Variants in FYN observed in about 807,000 individuals in gnomAD.
FYN encodes the protein FYN proto-oncogene, Src family tyrosine kinase.
FYN carries 10 observed loss-of-function variants against 70.2 expected under a neutral mutation model. The observed-to-expected ratio is 0.14, with a 90% confidence interval of 0.09 to 0.24. FYN has a LOEUF of 0.24. Among genes scored for constraint, FYN ranks in the 10% least tolerant of loss-of-function variants. FYN has a pLI of 1.00. For synonymous variants in FYN, 236 were observed against 248.6 expected (o/e 0.95, Z 0.48); for missense variants, 319 against 673.1 (o/e 0.47, Z 5.82).
At chr6:111,753,193 C>T (rs1020011092) in intron 3 of FYN, among the ~76,000 whole-genome samples, 3 of 152,194 alleles carry the variant, frequency 2.0e-5, no homozygotes, top group African/African-American at 4.8e-5. Flanking sequence ...TCTGATCCTC[C>T]ATACAGGATG....
At chr6:111,759,973 G>A (rs947133329) in intron 3 of FYN, 4 of 151,922 alleles carry the variant, frequency 2.6e-5, no homozygotes, top group African/African-American at 9.7e-5. Context: ...CTAGCAGACT[G>A]AGTACAGCCT....
intron 13 of FYN, among the ~76,000 whole-genome samples, chr6:111,665,104 C>T (rs1306915222): frequency 1.3e-4 from 20 of 152,162 alleles, no homozygotes; most frequent in Admixed American, 1.2e-3. Flanking sequence ...AGTATCCCTT[C>T]TCTGAAATGC....
chr6:111,742,894 T>C (rs545516315), intron 3 of FYN, among the ~76,000 whole-genome samples: 21 of 152,232 alleles, frequency 1.4e-4, no homozygotes, highest in Admixed American at 1.4e-3. Flanking sequence ...TTGTCCTACG[T>C]TTTGGTCACA....
At chr6:111,797,693 T>TATATATATATATAC (rs1771854470) in intron 2 of FYN, among the ~76,000 whole-genome samples, 2 of 77,930 alleles carry the variant, frequency 2.6e-5, no homozygotes, top group Admixed American at 1.1e-4. Context: ...TATATATATA[T>TATATATATATATAC]ATATATATAT....
intron 5 of FYN, chr6:111,708,960 C>T (rs142483872): frequency 6.6e-6 from 1 of 152,292 alleles, no homozygotes; most frequent in East Asian, 1.9e-4. Flanking sequence ...TGATGAAGAG[C>T]AGGAATGGAG....
Position 111,676,973 on chromosome 6 carries a change from T to G in FYN, c.1274-2343A>C, listed in dbSNP as rs145327518. Among the ~76,000 whole-genome samples, 994 of 152,326 alleles carry G rather than the reference T, an allele frequency of 6.5e-3. 10 individuals are homozygous for G. Among genetic ancestry groups the G allele is most frequent in the African/African-American group, 0.023 (936 of 41,566 alleles). On this transcript the variant is annotated intron_variant, in intron 12 of 13. Coordinates refer to ENST00000354650, the MANE Select transcript of FYN (RefSeq NM_002037.5). ...GCTTTATTATTTTCTCATTTTATAA[T>G]CTACAATAAGGATTATAATATATAA... is the stretch of plus-strand genomic sequence containing the variant.
intron 3 of FYN, among the ~76,000 whole-genome samples, chr6:111,729,356 C>T (rs1801340443): frequency 6.6e-6 from 1 of 151,850 alleles, no homozygotes; most frequent in Non-Finnish European, 1.5e-5. Flanking sequence ...CACCTGTAAA[C>T]CTAGCTACTC....
At chr6:111,663,573 C>A (rs1797864903) in intron 13 of FYN, among the ~76,000 whole-genome samples, 1 of 152,220 alleles carries the variant, frequency 6.6e-6, no homozygotes, top group Non-Finnish European at 1.5e-5. Flanking sequence ...CTGCCATTAT[C>A]ATTTCTTGAG....
chr6:111,832,087 A>C (rs1283756242), intron 2 of FYN, among the ~76,000 whole-genome samples: 3 of 152,190 alleles, frequency 2.0e-5, no homozygotes, highest in African/African-American at 7.2e-5. Context: ...TTGACATTAT[A>C]ATCCATACAT....
At chr6:111,742,472 A>G (rs2128480254) in intron 3 of FYN, among the ~76,000 whole-genome samples, 1 of 152,358 alleles carries the variant, frequency 6.6e-6, no homozygotes. Context: ...ATTCATTAAC[A>G]TGATATTCAG....
chr6:111,777,358 AT>A (rs1301356018), intron 3 of FYN, among the ~76,000 whole-genome samples: 1 of 151,758 alleles, frequency 6.6e-6, no homozygotes, highest in Non-Finnish European at 1.5e-5. Flanking sequence ...AGATATTTCC[AT>A]TTTTAAACCT....
chr6:111,822,401 G>A (rs1287744182), intron 2 of FYN, among the ~76,000 whole-genome samples: 3 of 151,932 alleles, frequency 2.0e-5, no homozygotes, highest in Non-Finnish European at 2.9e-5. Flanking sequence ...AACACCGCAT[G>A]TTCTCACTTA....
intron 12 of FYN, chr6:111,676,674 A>T (rs1029639153): frequency 1.3e-5 from 2 of 152,200 alleles, no homozygotes; most frequent in Non-Finnish European, 2.9e-5. Flanking sequence ...TTCCTATTTA[A>T]ACCATCTCTT....
intron 2 of FYN, among the ~76,000 whole-genome samples, chr6:111,831,069 T>A (rs192263631): frequency 2.0e-5 from 3 of 152,242 alleles, no homozygotes; most frequent in African/African-American, 7.2e-5. Context: ...TCATTCTGTA[T>A]CAGTGTGCGT....
chr6:111,700,119 C>T lies in FYN; in HGVS notation c.847G>A (p.Gly283Arg). 1 of 1,614,018 alleles carries T rather than the reference C, an allele frequency of 6.2e-7. No homozygotes were observed. The highest frequency in any genetic ancestry group is 8.5e-7 in the Non-Finnish European group (1 of 1,180,000). Residue 283 changes from glycine (G) to arginine (R), a missense_variant, in exon 9 of 14, where the codon GGG (glycine) becomes AGG (arginine). Coordinates refer to ENST00000354650, the MANE Select transcript of FYN (RefSeq NM_002037.5). ...CTCAGCATACCCATCCATACTTCCC[C>T]AAACTGCCCATTTCCCAGTCTCTTG... ...LIKRLGNGQFGEVWMGTWNGN... is the reference protein window; with the variant it reads ...LIKRLGNGQFREVWMGTWNGN...
At chr6:111,703,522 T>C (rs1308853366) in intron 7 of FYN, among the ~76,000 whole-genome samples, 1 of 152,206 alleles carries the variant, frequency 6.6e-6, no homozygotes, top group Non-Finnish European at 1.5e-5. Context: ...TCTGGCAAAT[T>C]AAGCTAGAGG....
At chr6:111,800,135 C>A (rs772978020) in intron 2 of FYN, among the ~76,000 whole-genome samples, 1 of 152,168 alleles carries the variant, frequency 6.6e-6, no homozygotes, top group Non-Finnish European at 1.5e-5. Context: ...TTCTCTATTA[C>A]GGGTTTCTGC....
Position 111,694,620 on chromosome 6 carries a change from G to T in FYN, c.1119+8C>A, listed in dbSNP as rs804186. ...CTATGGCACATCAAGTTACCCTGCA[G>T]GGCCTACCTGTGCTGCCATGTCCAC... is the stretch of plus-strand genomic sequence containing the variant. On this transcript the variant is annotated splice_region_variant and intron_variant, in intron 11 of 13. Transcript: ENST00000354650. This position sits in a 1 kb window ranked among gnomAD's most constrained non-coding sequence, Gnocchi z 5.0. 4.5e-3 allele frequency: 7,231 copies of T among 1,613,946 alleles called. 250 individuals are homozygous for T. In the African/African-American group the frequency reaches 0.078, roughly 17 times the overall value.
At chr6:111,740,198 G>T (rs978334722) in intron 3 of FYN, among the ~76,000 whole-genome samples, 4 of 152,150 alleles carry the variant, frequency 2.6e-5, no homozygotes, top group Admixed American at 6.5e-5. Flanking sequence ...TAATAGACTC[G>T]AGAAAAAGTC....
Sources: gnomAD v4.1 joint callset for allele counts (sites outside exome capture counted in the v4.1 genomes callset) on GRCh38, gnomAD v4.1.1 for gene constraint, Gnocchi (gnomAD v3.1) non-coding constraint, MANE v1.5 for transcripts, NCBI Gene and HGNC (gene_info 2026-07-23, HGNC 2026-07-21) for gene names.